Variants in LINGO2 observed in about 807,000 individuals in gnomAD.
The protein encoded by LINGO2 is leucine-rich repeat and immunoglobulin-like domain-containing nogo receptor-interacting protein 2.
Under a neutral mutation model 30.6 loss-of-function variants are expected in LINGO2, and 14 were observed. The ratio of observed to expected loss-of-function variants is 0.46; its 90% CI spans 0.30 to 0.72. LINGO2 has a LOEUF of 0.72. Among genes scored for constraint, LINGO2 ranks in the 30% least tolerant of loss-of-function variants. The probability of loss-of-function intolerance (pLI) is 0.07; values close to 1 mark genes in which losing one functional copy is unlikely to be tolerated. For missense variants in LINGO2, 729 were observed against 751.7 expected, an observed-to-expected ratio of 0.97 and a Z score of 0.35; for synonymous variants, 317 against 288.5, an observed-to-expected ratio of 1.10 and a Z score of -1.00.
intron 4 of LINGO2, among the ~76,000 whole-genome samples, chr9:28,162,388 G>A (rs1454029306): frequency 1.3e-5 from 2 of 151,950 alleles, no homozygotes; most frequent in East Asian, 3.9e-4. Context: ...TCAGACTCTG[G>A]GTGAAAAATC....
chr9:29,139,137 A>G, the LINGO2 span, among the ~76,000 whole-genome samples: 2 of 152,156 alleles, frequency 1.3e-5, no homozygotes, highest in African/African-American at 4.8e-5. Flanking sequence ...GCCAACATCA[A>G]GAAAGAGACT....
chr9:29,051,313 A>T, the LINGO2 span, among the ~76,000 whole-genome samples: 1 of 151,956 alleles, frequency 6.6e-6, no homozygotes, highest in Non-Finnish European at 1.5e-5. Flanking sequence ...TCCCTCCCCA[A>T]CCTTTGGTAA....
chr9:28,403,622 T>C (rs1822364885), intron 2 of LINGO2, among the ~76,000 whole-genome samples: 1 of 149,884 alleles, frequency 6.7e-6, no homozygotes, highest in African/African-American at 2.4e-5. Context: ...AATGCTATTG[T>C]TTTAAATAAT....
chr9:29,104,250 A>T, the LINGO2 span, among the ~76,000 whole-genome samples: 7 of 152,172 alleles, frequency 4.6e-5, no homozygotes, highest in African/African-American at 7.2e-5. Flanking sequence ...TGGGGAAGGG[A>T]CCTGTTGGGA....
At chr9:29,070,478 A>G in the LINGO2 span, among the ~76,000 whole-genome samples, 1 of 152,112 alleles carries the variant, frequency 6.6e-6, no homozygotes, top group South Asian at 2.1e-4. Context: ...AGAAGAGGAG[A>G]GGAAAGAACC....
the LINGO2 span, among the ~76,000 whole-genome samples, chr9:28,788,125 A>G: frequency 6.6e-6 from 1 of 152,220 alleles, no homozygotes; most frequent in Non-Finnish European, 1.5e-5. Context: ...CACAAAAAAG[A>G]TATCTACAAA....
chr9:28,454,329 C>T (rs1232877662), intron 2 of LINGO2, among the ~76,000 whole-genome samples: 1 of 151,906 alleles, frequency 6.6e-6, no homozygotes, highest in Non-Finnish European at 1.5e-5. Flanking sequence ...TAAGCTGTGT[C>T]TCTGTTACCT....
chr9:28,751,784 C>T, the LINGO2 span, among the ~76,000 whole-genome samples: 2 of 151,886 alleles, frequency 1.3e-5, no homozygotes, highest in Non-Finnish European at 2.9e-5. Context: ...TATTTTCTAG[C>T]AAAGATTTTA....
the LINGO2 span, among the ~76,000 whole-genome samples, chr9:28,907,100 G>C: frequency 6.6e-6 from 1 of 151,800 alleles, no homozygotes; most frequent in African/African-American, 2.4e-5. Context: ...ATTTCTGGTG[G>C]AATGGCTGAT....
the LINGO2 span, among the ~76,000 whole-genome samples, chr9:28,774,784 A>AT: frequency 1.3e-5 from 2 of 152,112 alleles, no homozygotes; most frequent in Admixed American, 6.6e-5. Context: ...GCAAAGTTCA[A>AT]TTTTTTCAGT....
chr9:28,619,676 C>G (rs1346402179), intron 1 of LINGO2, among the ~76,000 whole-genome samples: 3 of 152,024 alleles, frequency 2.0e-5, no homozygotes, highest in African/African-American at 7.2e-5. Flanking sequence ...TTTCTTTACC[C>G]TGTTCTTGGA....
At chr9:28,189,715 G>T (rs1429098984) in intron 4 of LINGO2, among the ~76,000 whole-genome samples, 1 of 150,088 alleles carries the variant, frequency 6.7e-6, no homozygotes, top group African/African-American at 2.5e-5. Flanking sequence ...AAGGAAGGAA[G>T]GAAGGAAGGT....
the LINGO2 span, among the ~76,000 whole-genome samples, chr9:29,071,482 CATAT>C: frequency 0.027 from 3,313 of 120,734 alleles, 62 homozygotes; most frequent in South Asian, 0.081. Context: ...ATTAACTGGT[CATAT>C]ATATATATAT....
the LINGO2 span, among the ~76,000 whole-genome samples, chr9:29,029,765 G>T: frequency 2.6e-5 from 4 of 152,034 alleles, no homozygotes; most frequent in Non-Finnish European, 1.5e-5. Context: ...GGGGCAAGCA[G>T]CAAGACTCTC....
chr9:28,754,105 T>C, the LINGO2 span, among the ~76,000 whole-genome samples: 1,698 of 152,006 alleles, frequency 0.011, 11 homozygotes, highest in Middle Eastern at 0.02. Flanking sequence ...CTTCAGCATA[T>C]TTCCCAAGTA....
In LINGO2 at chr9:28,136,908, A is replaced by G. The variant is rs562045749; in HGVS notation, c.-86-124503T>C. Among the ~76,000 whole-genome samples, 6 of 152,264 alleles carry G rather than the reference A, an allele frequency of 3.9e-5. No individual in the cohort carries two copies. The South Asian group carries it at 1.2e-3, about 32-fold the overall frequency. On this transcript the variant is annotated intron_variant, in intron 4 of 5. Transcript: ENST00000379992. The stretch of plus-strand genomic sequence containing the variant: ...CTCATTCCATCTGCTGAAGTCCTGA[A>G]TGAACAAAAAGGCTGAGTAAGGGAG...
At chr9:28,153,373 C>A (rs1828050237) in intron 4 of LINGO2, among the ~76,000 whole-genome samples, 1 of 152,018 alleles carries the variant, frequency 6.6e-6, no homozygotes, top group Non-Finnish European at 1.5e-5. Flanking sequence ...GGAGATAGAT[C>A]TCTATATGCA....
the LINGO2 span, among the ~76,000 whole-genome samples, chr9:28,744,670 ACT>A: frequency 1.9e-5 from 2 of 104,518 alleles, no homozygotes; most frequent in Non-Finnish European, 3.9e-5. Flanking sequence ...GGAGTCTCTC[ACT>A]GTCGCTGAGG....
the LINGO2 span, among the ~76,000 whole-genome samples, chr9:29,116,367 A>AAT: frequency 1.9e-4 from 29 of 152,224 alleles, no homozygotes; most frequent in Non-Finnish European, 3.2e-4. Flanking sequence ...TAAGGCAGTG[A>AAT]ATATATATGT....
Sources: allele counts gnomAD v4.1 joint callset (sites outside exome capture counted in the v4.1 genomes callset), GRCh38; gene constraint gnomAD v4.1.1; transcripts MANE v1.5; gene names NCBI Gene and HGNC (gene_info 2026-07-23, HGNC 2026-07-21).